The following TASP1 variants were observed in gnomAD, a reference collection of about 807,000 sequenced individuals.
The protein encoded by TASP1 is threonine aspartase 1.
Under a neutral mutation model 56.6 loss-of-function variants are expected in TASP1, and 16 were observed. That is an observed-to-expected ratio of 0.28 (90% CI 0.19 to 0.43). The LOEUF (loss-of-function observed/expected upper bound fraction) is 0.43, where lower values mean the gene tolerates loss of function less well. TASP1 is among the 20% of genes least tolerant of loss of function. TASP1 has a pLI of 1.00. For missense variants in TASP1, 393 were observed against 511.6 expected, an observed-to-expected ratio of 0.77 and a Z score of 2.24; for synonymous variants, 179 against 184.2, an observed-to-expected ratio of 0.97 and a Z score of 0.23.
rs141034716 is a variant in TASP1, at chr20:13,592,133, G to A, written c.283-4763C>T. ...ATTAAATTTAGCTGGGCACAGTGGC[G>A]CACACCTGTAATCCCAGCACTTTGG... On this transcript the variant is annotated intron_variant, in intron 4 of 13. Coordinates refer to ENST00000337743, the MANE Select transcript of TASP1 (RefSeq NM_017714.3). Among the ~76,000 whole-genome samples the A allele has an allele frequency of 9.3e-3, 1,420 of 151,996 alleles. 16 individuals carry two copies. Among genetic ancestry groups the A allele is most frequent in the African/African-American group, 0.03 (1,258 of 41,448 alleles).
chr20:13,270,386 A>ACTGG, the TASP1 span: 1 of 1,164,840 alleles, frequency 8.6e-7, no homozygotes, highest in Non-Finnish European at 1.2e-6. Flanking sequence ...GGAATGCCCT[A>ACTGG]CTGGCTTAAT....
At chr20:13,536,957 T>G (rs2045441811) in intron 8 of TASP1, among the ~76,000 whole-genome samples, 1 of 152,128 alleles carries the variant, frequency 6.6e-6, no homozygotes, top group Non-Finnish European at 1.5e-5. Flanking sequence ...TAATCATTTA[T>G]TTCTGGCGAG....
intron 12 of TASP1, among the ~76,000 whole-genome samples, chr20:13,425,992 T>C (rs1340007654): frequency 2.0e-5 from 3 of 152,194 alleles, no homozygotes; most frequent in African/African-American, 4.8e-5. Context: ...GAATCCTGGT[T>C]ACACTAAGCC....
At chr20:13,310,493 A>C in the TASP1 span, among the ~76,000 whole-genome samples, 3 of 152,260 alleles carry the variant, frequency 2.0e-5, no homozygotes, top group East Asian at 5.8e-4. Context: ...CAGGAAAAAA[A>C]ATGTATTGAC....
At chr20:13,604,828 C>T (rs1424580945) in intron 4 of TASP1, among the ~76,000 whole-genome samples, 2 of 151,756 alleles carry the variant, frequency 1.3e-5, no homozygotes, top group African/African-American at 4.8e-5. Context: ...ATATATGTTG[C>T]TAGTGAGAAC....
chr20:13,204,881 G>A, the TASP1 span, among the ~76,000 whole-genome samples: 16 of 152,088 alleles, frequency 1.1e-4, no homozygotes, highest in African/African-American at 1.9e-4. Context: ...AACAGACCAC[G>A]GTGGAAATTG....
Position 13,524,819 on chromosome 20 carries a change from G to A in TASP1, c.874+3614C>T, listed in dbSNP as rs538502592. Among the ~76,000 whole-genome samples the A allele has an allele frequency of 4.6e-5, 7 of 152,266 alleles. No homozygotes were observed. In the South Asian group the frequency reaches 6.2e-4, roughly 14 times the overall value. On this transcript the variant is annotated intron_variant, in intron 10 of 13. Coordinates refer to ENST00000337743, the MANE Select transcript of TASP1 (RefSeq NM_017714.3). ...CACTGCCTCTAGATGCAAGCGGTTC[G>A]CATGTGTTGACCCTTCAGTTACGTG...
chr20:13,244,718 A>G, the TASP1 span, among the ~76,000 whole-genome samples: 4 of 152,206 alleles, frequency 2.6e-5, no homozygotes, highest in African/African-American at 4.8e-5. Flanking sequence ...TTCTATTGAG[A>G]AGACATGTCC....
intron 4 of TASP1, 72 bp downstream of exon 4, chr20:13,623,374 C>T: frequency 7.5e-7 from 1 of 1,335,770 alleles, no homozygotes; most frequent in South Asian, 1.3e-5. Context: ...ACTAACTCAA[C>T]AATTTCATGT....
the TASP1 span, among the ~76,000 whole-genome samples, chr20:13,255,927 T>G: frequency 8.6e-5 from 5 of 58,100 alleles, no homozygotes; most frequent in Admixed American, 3.2e-4. Context: ...TTCCTGGGGT[T>G]TTTTTTTTTG....
At chr20:13,309,718 C>G in the TASP1 span, among the ~76,000 whole-genome samples, 2 of 151,938 alleles carry the variant, frequency 1.3e-5, no homozygotes, top group Admixed American at 1.3e-4. Context: ...CACCAAAAAG[C>G]TGATAGAATT....
chr20:13,520,713 G>A (rs1037645142), intron 10 of TASP1, among the ~76,000 whole-genome samples: 21 of 152,262 alleles, frequency 1.4e-4, no homozygotes, highest in Middle Eastern at 3.4e-3. Context: ...ATAGGCAAGG[G>A]CAAGGACTTC....
the TASP1 span, among the ~76,000 whole-genome samples, chr20:13,341,669 A>G: frequency 2.0e-5 from 3 of 152,192 alleles, no homozygotes; most frequent in African/African-American, 7.2e-5. Flanking sequence ...GAGTAACCCT[A>G]TGGAGTTAAA....
At chr20:13,183,897 C>T in the TASP1 span, among the ~76,000 whole-genome samples, 1 of 151,776 alleles carries the variant, frequency 6.6e-6, no homozygotes, top group African/African-American at 2.4e-5. Context: ...GGCATGGTGG[C>T]ACATGCCTGT....
At chr20:13,222,740 A>C in the TASP1 span, among the ~76,000 whole-genome samples, 29 of 152,248 alleles carry the variant, frequency 1.9e-4, no homozygotes, top group Non-Finnish European at 3.7e-4. Flanking sequence ...AGAATTGCCC[A>C]GCTAGGCATT....
At chr20:13,386,835 A>G (rs936983926), downstream of TASP1, among the ~76,000 whole-genome samples, 1 of 152,160 alleles carries the variant, frequency 6.6e-6, no homozygotes, top group Non-Finnish European at 1.5e-5. Flanking sequence ...TAACATATTG[A>G]TATCCAAATT....
At chr20:13,638,729 A>C (rs2049406470) in intron 1 of TASP1, among the ~76,000 whole-genome samples, 165 bp downstream of exon 1, 1 of 152,116 alleles carries the variant, frequency 6.6e-6, no homozygotes, top group Non-Finnish European at 1.5e-5. Context: ...AACTAGGGAC[A>C]TCCTGGCCCC....
At chr20:13,215,648 T>C in the TASP1 span, among the ~76,000 whole-genome samples, 1 of 152,236 alleles carries the variant, frequency 6.6e-6, no homozygotes, top group African/African-American at 2.4e-5. Context: ...GCTCCAGCCT[T>C]GTTCTGGGGA....
At chr20:13,309,812 A>G in the TASP1 span, among the ~76,000 whole-genome samples, 1 of 151,922 alleles carries the variant, frequency 6.6e-6, no homozygotes, top group African/African-American at 2.4e-5. Context: ...AAACTATCCA[A>G]AAAAGAAATC....
Sources: gnomAD v4.1 joint callset for allele counts (sites outside exome capture counted in the v4.1 genomes callset) on GRCh38, gnomAD v4.1.1 for gene constraint, MANE v1.5 for transcripts, NCBI Gene and HGNC (gene_info 2026-07-23, HGNC 2026-07-21) for gene names.